Variants in TUBB8B observed in about 807,000 individuals in gnomAD.
TUBB8B encodes the protein HSA18p11 beta-tubulin 4Q pseudogene.
TUBB8B carries 26 observed loss-of-function variants against 31.9 expected under a neutral mutation model. That is an observed-to-expected ratio of 0.81 (90% CI 0.60 to 1.13). The LOEUF is 1.13. Among genes scored for constraint, TUBB8B ranks in the 50% most tolerant of loss-of-function variants. The pLI is 0.00. For missense variants in TUBB8B, 467 were observed against 586.7 expected (o/e 0.80, Z 2.11); for synonymous variants, 173 against 231.0 (o/e 0.75, Z 2.28).
the TUBB8B span, among the ~76,000 whole-genome samples, chr18:55,807 C>T: frequency 9.2e-5 from 14 of 151,886 alleles, no homozygotes; most frequent in African/African-American, 3.4e-4. Flanking sequence ...TTTATTGTTT[C>T]CTTCACTTTA....
the TUBB8B span, among the ~76,000 whole-genome samples, chr18:68,591 T>C: frequency 1.3e-5 from 2 of 152,216 alleles, no homozygotes; most frequent in South Asian, 4.2e-4. Flanking sequence ...CAATGCTTGC[T>C]CTCCTCAGTG....
the TUBB8B span, among the ~76,000 whole-genome samples, chr18:56,890 T>C: frequency 4.0e-5 from 6 of 151,860 alleles, no homozygotes; most frequent in African/African-American, 1.4e-4. Context: ...ATAAATCTGG[T>C]GCTTGCACAT....
the TUBB8B span, among the ~76,000 whole-genome samples, chr18:62,835 T>C: frequency 1.3e-5 from 2 of 151,866 alleles, no homozygotes; most frequent in African/African-American, 2.4e-5. Flanking sequence ...TTTTTCATTC[T>C]TTTTTGTCTC....
chr18:50,046 T>A, upstream of TUBB8B: 1 of 383,684 alleles, frequency 2.6e-6, no homozygotes, highest in Non-Finnish European at 5.2e-6. Context: ...CGTTTTACTT[T>A]GGAGCAGTTC....
At chr18:67,956 A>C in the TUBB8B span, among the ~76,000 whole-genome samples, 3 of 152,168 alleles carry the variant, frequency 2.0e-5, no homozygotes, top group African/African-American at 4.8e-5. Context: ...CGAAATACTG[A>C]TATGACACCC....
the TUBB8B span, among the ~76,000 whole-genome samples, chr18:59,100 A>G: frequency 6.6e-6 from 1 of 151,888 alleles, no homozygotes; most frequent in South Asian, 2.1e-4. Context: ...CAATGGTTAA[A>G]TCACCTTTCA....
At chr18:65,976 A>C in the TUBB8B span, among the ~76,000 whole-genome samples, 1 of 152,190 alleles carries the variant, frequency 6.6e-6, no homozygotes, top group Non-Finnish European at 1.5e-5. Context: ...CACCTGTAAT[A>C]CCAGCACTTT....
At chr18:64,916 C>A in the TUBB8B span, among the ~76,000 whole-genome samples, 1 of 152,034 alleles carries the variant, frequency 6.6e-6, no homozygotes, top group Non-Finnish European at 1.5e-5. Context: ...ATACCCAATC[C>A]CATCCCCAAT....
the TUBB8B span, among the ~76,000 whole-genome samples, chr18:63,482 G>C: frequency 2.0e-5 from 3 of 150,906 alleles, no homozygotes; most frequent in Non-Finnish European, 4.4e-5. Context: ...AGCTGGAGTT[G>C]GGGTAATATA....
the TUBB8B span, among the ~76,000 whole-genome samples, chr18:63,575 C>T: frequency 6.6e-6 from 1 of 151,282 alleles, no homozygotes; most frequent in African/African-American, 2.4e-5. Flanking sequence ...CCAAGGCCCA[C>T]TGTAACGACA....
chr18:55,041 C>T, the TUBB8B span, among the ~76,000 whole-genome samples: 3 of 151,892 alleles, frequency 2.0e-5, no homozygotes, highest in African/African-American at 2.4e-5. Flanking sequence ...GTTTTGAACT[C>T]AATATATTGT....
rs200638438 is a variant in TUBB8B at position 48,878 on chromosome 18, A to G, written c.277+62T>C. Reference sequence around the variant, plus strand: ...CAGTTCCCACAGGATGACCTTGGGCACTCCTGGATTTTGAGCTGCCCTGGC... The same window carrying G: ...CAGTTCCCACAGGATGACCTTGGGCGCTCCTGGATTTTGAGCTGCCCTGGC... On this transcript the variant is annotated intron_variant, in intron 3 of 3. Coordinates refer to ENST00000308911, the MANE Select transcript of TUBB8B (RefSeq NM_001358689.2). 9.6e-6 allele frequency: 11 copies of G among 1,151,446 alleles called. 1 individual carries two copies. The highest frequency in any genetic ancestry group is 4.7e-5 in the East Asian group (2 of 42,250). 71.3% of individuals were successfully genotyped at this position (1,151,446 alleles called of 1,614,324 possible).
At chr18:58,988 T>A in the TUBB8B span, among the ~76,000 whole-genome samples, 1 of 151,660 alleles carries the variant, frequency 6.6e-6, no homozygotes, top group Non-Finnish European at 1.5e-5. Context: ...AGGGGCAAGT[T>A]GTTACACACT....
At chr18:60,627 T>C in the TUBB8B span, among the ~76,000 whole-genome samples, 1 of 151,948 alleles carries the variant, frequency 6.6e-6, no homozygotes, top group African/African-American at 2.4e-5. Context: ...AGTACCTCTT[T>C]TACCATATTC....
chr18:48,032 A>G lies in TUBB8B; in HGVS notation c.693T>C (p.Ala231=), dbSNP rs765870491. 10 of 1,612,812 alleles carry G rather than the reference A, an allele frequency of 6.2e-6. No homozygotes were observed. In the Middle Eastern group the frequency reaches 5.6e-4, roughly 90 times the overall value. Residue 231 remains alanine (A), a synonymous_variant, in exon 4 of 4, where the codon GCT becomes GCC. Transcript: ENST00000308911. Reference sequence around the variant, plus strand: ...GGCATGTGGTGACCCCACTCATGGTAGCAGACACCAGGTGGTTCAGGTCAC... The same window carrying G: ...GGCATGTGGTGACCCCACTCATGGTGGCAGACACCAGGTGGTTCAGGTCAC... ...TYGDLNHLVS[A]TMSGVTTCLR...
At chr18:57,814 A>G in the TUBB8B span, among the ~76,000 whole-genome samples, 2 of 151,952 alleles carry the variant, frequency 1.3e-5, no homozygotes, top group Middle Eastern at 3.4e-3. Context: ...TTTTTTATAC[A>G]TTATTTGAAG....
chr18:71,508 T>C, the TUBB8B span, among the ~76,000 whole-genome samples: 2 of 142,322 alleles, frequency 1.4e-5, no homozygotes, highest in African/African-American at 5.3e-5. Flanking sequence ...GATTGGGACA[T>C]TGCACTTTAG....
chr18:70,524 T>C, the TUBB8B span, among the ~76,000 whole-genome samples: 2 of 152,098 alleles, frequency 1.3e-5, no homozygotes, highest in Non-Finnish European at 1.5e-5. Context: ...TAGTCCCAGC[T>C]ACTTCGGGGC....
rs779233846 is a variant in TUBB8B, at chr18:49,015, G to C, written c.202C>G (p.Leu68Val). The change falls in exon 3 of 4, where the codon CTG becomes GTG. Residue 68 changes from leucine (L) to valine (V), a missense_variant. Leu to Val is a conservative substitution (Grantham distance 32). Transcript: ENST00000308911. ...ACAGAGTCCATGGTGCCCGGCTCCAGATCCACGAGCACAGCGCGGGGCACG... is the reference window on the plus strand; with the variant it reads ...ACAGAGTCCATGGTGCCCGGCTCCACATCCACGAGCACAGCGCGGGGCACG... The part of the protein sequence containing the change: ...RYVPRAVLVD[L>V]EPGTMDSVHS... 5.0e-6 allele frequency: 8 copies of C among 1,609,434 alleles called. No individual in the cohort carries two copies. The highest frequency in any genetic ancestry group is 1.3e-5 in the African/African-American group (1 of 74,718).
Sources: gnomAD v4.1 joint callset for allele counts (sites outside exome capture counted in the v4.1 genomes callset) on GRCh38, gnomAD v4.1.1 for gene constraint, MANE v1.5 for transcripts, NCBI Gene and HGNC (gene_info 2026-07-23, HGNC 2026-07-21) for gene names.